The following SYNE2 variants were observed in gnomAD, a reference collection of about 807,000 sequenced individuals.
The protein encoded by SYNE2 is nesprin-2.
A neutral mutation model predicts 856.3 loss-of-function variants in SYNE2; 431 were observed. The observed-to-expected ratio is 0.50, with a 90% CI of 0.47 to 0.55. The LOEUF (loss-of-function observed/expected upper bound fraction) is 0.55, where lower values mean the gene tolerates loss of function less well. SYNE2 is among the 20% of genes least tolerant of loss of function. The probability of loss-of-function intolerance (pLI) is 0.00; values close to 1 mark genes in which losing one functional copy is unlikely to be tolerated. For missense variants in SYNE2, 8,129 were observed against 8,023.2 expected (o/e 1.01, Z -0.50); for synonymous variants, 2,923 against 2,872.3 (o/e 1.02, Z -0.56).
intron 1 of SYNE2, among the ~76,000 whole-genome samples, chr14:63,901,387 C>T (rs1490292477): frequency 1.3e-5 from 2 of 151,860 alleles, no homozygotes; most frequent in Non-Finnish European, 2.9e-5. Context: ...AAAATAAAAG[C>T]CAAATTGTTA....
chr14:63,953,778 C>A (rs1380540410), intron 7 of SYNE2, among the ~76,000 whole-genome samples: 1 of 152,172 alleles, frequency 6.6e-6, no homozygotes, highest in Non-Finnish European at 1.5e-5. Context: ...CTGGCAATGA[C>A]CATTCTACTT....
intron 34 of SYNE2, among the ~76,000 whole-genome samples, chr14:64,018,388 A>C (rs1179908108): frequency 1.3e-5 from 2 of 152,060 alleles, no homozygotes; most frequent in African/African-American, 4.8e-5. Context: ...TTACAGGCGC[A>C]CACCACCACA....
chr14:64,142,791 T>C (rs2098149899), intron 82 of SYNE2, among the ~76,000 whole-genome samples: 1 of 152,220 alleles, frequency 6.6e-6, no homozygotes, highest in Non-Finnish European at 1.5e-5. Context: ...TAAGAAAATA[T>C]TGAGATCCTT....
chr14:64,087,975 G>A (rs1007285859), intron 58 of SYNE2, 119 bp downstream of exon 58: 3 of 1,075,512 alleles, frequency 2.8e-6, no homozygotes, highest in Non-Finnish European at 4.2e-6. Context: ...TTGAGGTCAG[G>A]AGTTCAAGAC....
At position 64,220,463 on chromosome 14, in the gene SYNE2, C is replaced by G. The variant is rs754895294; in HGVS notation, c.19887C>G (p.Tyr6629Ter). Reference sequence around the variant, plus strand: ...AGATACTGAAAGCCTTTGACACTTACAAGGCATTAGTGGTCTCTGTCAACG... The same window carrying G: ...AGATACTGAAAGCCTTTGACACTTAGAAGGCATTAGTGGTCTCTGTCAACG... ...LQEILKAFDT[Y>*]KALVVSVNVS... Residue 6629 changes from tyrosine to a stop codon, truncating the protein, a stop_gained, in exon 111 of 116, where the codon TAC (tyrosine) becomes TAG (stop). Transcript: ENST00000555002. LOFTEE classifies it high-confidence loss of function. 6.2e-7 allele frequency: 1 copy of G among 1,614,096 alleles called. No homozygotes were observed. Among genetic ancestry groups the G allele is most frequent in the Non-Finnish European group, 8.5e-7 (1 of 1,180,042 alleles).
At position 64,107,598 on chromosome 14, in the gene SYNE2, A is replaced by G. The variant is rs189167925; in HGVS notation, c.12600A>G (p.Gln4200=). The change falls in exon 65 of 116, where the codon CAA becomes CAG. Residue 4200 remains glutamine (Q), a synonymous_variant. Transcript: ENST00000555002. ...CAGAATGTTCCCTAAGGCCCAACCA[A>G]ACAGAAGAGGTAAGTCCTGGTTGGT... is the stretch of plus-strand genomic sequence containing the variant. The part of the protein sequence containing the change: ...QGPECSLRPN[Q]TEEGTTPPIE... 82 of 1,613,878 alleles carry G rather than the reference A, an allele frequency of 5.1e-5. No homozygotes were observed. Among genetic ancestry groups the G allele is most frequent in the Non-Finnish European group, 6.8e-5 (80 of 1,179,748 alleles).
At chr14:64,029,615 T>C (rs1735721909) in intron 43 of SYNE2, among the ~76,000 whole-genome samples, 1 of 152,180 alleles carries the variant, frequency 6.6e-6, no homozygotes, top group African/African-American at 2.4e-5. Flanking sequence ...TTTCATTTTA[T>C]AAACATCTTG....
chr14:64,049,938 G>T, intron 47 of SYNE2, 62 bp downstream of exon 47: 1 of 1,590,206 alleles, frequency 6.3e-7, no homozygotes, highest in Non-Finnish European at 8.6e-7. Context: ...TGCCACCTTG[G>T]ACAGGCCCAG....
In SYNE2 at chr14:63,927,882, A is replaced by T. The variant is rs12878312; in HGVS notation, c.80-12732A>T. ...ACTCCAGCCTGGGCGACAGAGCGAG[A>T]CTCCATCTGAAAAAAAAAAACATGC... is the stretch of plus-strand genomic sequence containing the variant. On this transcript the variant is annotated intron_variant, in intron 2 of 115. Coordinates refer to ENST00000555002, the MANE Select transcript of SYNE2 (RefSeq NM_182914.3). Among the ~76,000 whole-genome samples the T allele has an allele frequency of 0.54, 81,664 of 150,646 alleles. 23,661 individuals carry two copies. Among genetic ancestry groups the T allele is most frequent in the Non-Finnish European group, 0.64 (43,166 of 67,692 alleles).
chr14:64,011,344 C>T (rs2096843486), intron 32 of SYNE2, among the ~76,000 whole-genome samples: 1 of 152,202 alleles, frequency 6.6e-6, no homozygotes, highest in African/African-American at 2.4e-5. Context: ...CTGGTTCCCT[C>T]TGGTGGAGGC....
intron 99 of SYNE2, among the ~76,000 whole-genome samples, chr14:64,201,042 A>G (rs889693073): frequency 2.0e-5 from 3 of 152,220 alleles, no homozygotes; most frequent in Non-Finnish European, 2.9e-5. Context: ...CTGACTTTAC[A>G]TGCAGCCTCT....
chr14:64,128,275 A>G (rs1307987989), intron 73 of SYNE2, among the ~76,000 whole-genome samples, 177 bp from the exon 74 acceptor site: 1 of 152,206 alleles, frequency 6.6e-6, no homozygotes, highest in African/African-American at 2.4e-5. Context: ...TAGAGGGAAG[A>G]AGGTCAGCCA....
Position 64,219,309 on chromosome 14 carries a change from A to T in SYNE2, c.19759A>T (p.Thr6587Ser). ...GCTGAACTCTGATATCAGCGCCATC[A>T]CTACTTGGCTGAAAAAAACTGAAGC... ...QQLNSDISAITTWLKKTEAEL... is the reference protein window; with the variant it reads ...QQLNSDISAISTWLKKTEAEL... The change falls in exon 110 of 116, where the codon ACT becomes TCT. Residue 6587 changes from threonine (T) to serine (S), a missense_variant. Thr to Ser is a moderately conservative substitution (Grantham distance 58). Transcript: ENST00000555002. 6.2e-7 allele frequency: 1 copy of T among 1,613,988 alleles called. No homozygotes were observed.
chr14:64,146,249 C>A, intron 84 of SYNE2, 26 bp downstream of exon 84: 1 of 1,588,440 alleles, frequency 6.3e-7, no homozygotes, highest in Non-Finnish European at 8.6e-7. Context: ...GCATCCCACC[C>A]AACCCGCGAG....
At chr14:63,912,305 A>G (rs1595589827) in intron 2 of SYNE2, among the ~76,000 whole-genome samples, 1 of 152,186 alleles carries the variant, frequency 6.6e-6, no homozygotes, top group East Asian at 1.9e-4. Context: ...ATATATTTCT[A>G]AAGGCACCTT....
rs1216729529 is a variant in SYNE2 at position 64,226,136 on chromosome 14, ATTTT to A, written c.*613_*616del. The A allele has an allele frequency of 6.5e-6, 1 of 153,932 alleles. No homozygotes were observed. Among genetic ancestry groups the A allele is most frequent in the Non-Finnish European group, 1.4e-5 (1 of 69,010 alleles). 9.5% of individuals were successfully genotyped at this position (153,932 alleles called of 1,614,324 possible). The stretch of plus-strand genomic sequence containing the variant: ...TGCATGGATGTGGTTATTTGTGCAT[ATTTT>A]TTAACAATGCCCAATCTGTATGAAT... On this transcript the variant is annotated 3_prime_UTR_variant, in exon 116 of 116. Transcript: ENST00000555002.
chr14:63,826,343 A>G (rs758256035), intron 1 of SYNE2, among the ~76,000 whole-genome samples: 39 of 152,166 alleles, frequency 2.6e-4, no homozygotes, highest in South Asian at 1.4e-3. Flanking sequence ...CTCTGTTGCC[A>G]GTCAGGAGTT....
chr14:64,182,920 A>G (rs1468495971), intron 96 of SYNE2, among the ~76,000 whole-genome samples: 1 of 152,132 alleles, frequency 6.6e-6, no homozygotes, highest in Non-Finnish European at 1.5e-5. Context: ...AGACGGGGTG[A>G]CGGCTGGGCA....
chr14:64,040,609 TATATATGTATATAC>T (rs1194973012), intron 45 of SYNE2, among the ~76,000 whole-genome samples: 36 of 147,058 alleles, frequency 2.4e-4, no homozygotes, highest in African/African-American at 8.6e-4. Context: ...TATATATATA[TATATATGTATATAC>T]ATATATATGT....
Sources: gnomAD v4.1 joint callset for allele counts (sites outside exome capture counted in the v4.1 genomes callset) on GRCh38, gnomAD v4.1.1 for gene constraint, MANE v1.5 for transcripts, NCBI Gene and HGNC (gene_info 2026-07-23, HGNC 2026-07-21) for gene names.